AKT3: variants seen among roughly 807,000 people sequenced by gnomAD.
AKT3 encodes AKT serine/threonine kinase 3.
Under a neutral mutation model 65.3 loss-of-function variants are expected in AKT3, and 15 were observed. The observed-to-expected ratio is 0.23, with a 90% confidence interval of 0.15 to 0.35. The LOEUF is 0.35. AKT3 is among the 10% of genes least tolerant of loss of function. The pLI, the probability that AKT3 is intolerant of heterozygous loss-of-function variation, is 1.00. For synonymous variants in AKT3, 206 were observed against 183.8 expected, an observed-to-expected ratio of 1.12 and a Z score of -0.98; for missense variants, 243 against 576.5, an observed-to-expected ratio of 0.42 and a Z score of 5.92.
At chr1:243,779,274 A>T (rs1475412124) in intron 2 of AKT3, among the ~76,000 whole-genome samples, 1 of 152,140 alleles carries the variant, frequency 6.6e-6, no homozygotes, top group Non-Finnish European at 1.5e-5. Context: ...ACGAGAAGAT[A>T]CATTTGTAAG....
chr1:243,741,283 A>G (rs73128266), intron 2 of AKT3, among the ~76,000 whole-genome samples: 8,424 of 152,178 alleles, frequency 0.055, 797 homozygotes, highest in African/African-American at 0.19. Context: ...CTCTCTCAAA[A>G]CAAATCCACA....
chr1:243,820,748 G>A (rs2148422203), intron 2 of AKT3, among the ~76,000 whole-genome samples: 1 of 152,248 alleles, frequency 6.6e-6, no homozygotes, highest in South Asian at 2.1e-4. Context: ...GGAATGAAAA[G>A]GAACAAAGAA....
chr1:243,589,816 A>C (rs375882546), intron 8 of AKT3, among the ~76,000 whole-genome samples: 13 of 152,178 alleles, frequency 8.5e-5, no homozygotes, highest in Admixed American at 2.0e-4. Flanking sequence ...GAAACACTCT[A>C]TATATATAGA....
intron 8 of AKT3, chr1:243,613,162 C>CAT (rs1317021284): frequency 1.6e-5 from 2 of 125,638 alleles, no homozygotes; most frequent in Non-Finnish European, 3.3e-5. Context: ...CACATATACA[C>CAT]ATATATATAC....
chr1:243,595,636 A>T, intron 8 of AKT3, among the ~76,000 whole-genome samples: 1 of 152,174 alleles, frequency 6.6e-6, no homozygotes, highest in African/African-American at 2.4e-5. Context: ...TTTTGGTTAA[A>T]AATGAAAACA....
chr1:243,727,937 C>T (rs1336362672), intron 2 of AKT3, among the ~76,000 whole-genome samples: 1 of 152,154 alleles, frequency 6.6e-6, no homozygotes, highest in Admixed American at 6.5e-5. Context: ...CTATAAGCAG[C>T]ACTCAGCTAC....
rs200833466 is a variant in AKT3 at position 243,796,467 on chromosome 1, C to A, written c.46+46658G>T. Reference sequence around the variant, plus strand: ...TGGAAATCAGATTAAGTCACTCCCCCACTTAAAACTTCCTAATAAGCAGCT... The same window carrying A: ...TGGAAATCAGATTAAGTCACTCCCCAACTTAAAACTTCCTAATAAGCAGCT... On this transcript the variant is annotated intron_variant, in intron 2 of 13. Coordinates refer to ENST00000673466, the MANE Select transcript of AKT3 (RefSeq NM_005465.7). 2.0e-5 allele frequency among the ~76,000 whole-genome samples: 3 copies of A among 152,190 alleles called. No homozygotes were observed. In the East Asian group the frequency reaches 5.8e-4, roughly 29 times the overall value.
At chr1:243,630,978 T>TG (rs1471371918) in intron 6 of AKT3, among the ~76,000 whole-genome samples, 1 of 151,628 alleles carries the variant, frequency 6.6e-6, no homozygotes, top group Non-Finnish European at 1.5e-5. Context: ...TAGCCTCTTT[T>TG]TTTTTTTTCC....
chr1:243,842,762 A>C (rs1210632602), intron 2 of AKT3, among the ~76,000 whole-genome samples: 1 of 152,200 alleles, frequency 6.6e-6, no homozygotes, highest in Non-Finnish European at 1.5e-5. Context: ...ATATATTTAC[A>C]TGTGATTAAA....
At chr1:243,757,404 G>A (rs1421039288) in intron 2 of AKT3, among the ~76,000 whole-genome samples, 1 of 152,136 alleles carries the variant, frequency 6.6e-6, no homozygotes, top group Non-Finnish European at 1.5e-5. Flanking sequence ...GATCACCTGA[G>A]GTCAGGACTT....
chr1:243,575,069 C>T (rs1674843616), intron 8 of AKT3, among the ~76,000 whole-genome samples: 1 of 152,096 alleles, frequency 6.6e-6, no homozygotes, highest in Non-Finnish European at 1.5e-5. Context: ...GATGTGTACC[C>T]TTACTACTTT....
At chr1:243,632,602 T>A (rs1291516392) in intron 6 of AKT3, among the ~76,000 whole-genome samples, 1 of 152,204 alleles carries the variant, frequency 6.6e-6, no homozygotes, top group Non-Finnish European at 1.5e-5. Flanking sequence ...TAGCCACTAC[T>A]GAGAGAGTCA....
chr1:243,797,554 T>C (rs894313852), intron 2 of AKT3, among the ~76,000 whole-genome samples: 1 of 152,186 alleles, frequency 6.6e-6, no homozygotes, highest in Non-Finnish European at 1.5e-5. Flanking sequence ...TTGCTATTTA[T>C]GACCCAAATA....
At chr1:243,611,349 C>A (rs781118446) in intron 8 of AKT3, among the ~76,000 whole-genome samples, 6 of 152,088 alleles carry the variant, frequency 3.9e-5, no homozygotes, top group Non-Finnish European at 5.9e-5. Flanking sequence ...TTCATTGTAC[C>A]TTTTTGTTTC....
intron 8 of AKT3, among the ~76,000 whole-genome samples, chr1:243,593,008 T>A (rs1016390740): frequency 5.3e-5 from 8 of 151,986 alleles, no homozygotes; most frequent in African/African-American, 1.9e-4. Context: ...GAACACAAAA[T>A]GGGAAAAAAA....
intron 2 of AKT3, among the ~76,000 whole-genome samples, chr1:243,807,846 A>G (rs1692845142): frequency 2.0e-5 from 3 of 152,308 alleles, no homozygotes; most frequent in Non-Finnish European, 4.4e-5. Context: ...TTCCAGAGGA[A>G]CAATCAGGCA....
chr1:243,808,330 C>T (rs1419346688), intron 2 of AKT3: 1 of 152,034 alleles, frequency 6.6e-6, no homozygotes, highest in East Asian at 1.9e-4. Context: ...CAGAGAAGTC[C>T]TTAAAGGACC....
At chr1:243,628,597 G>A (rs1679364184) in intron 6 of AKT3, among the ~76,000 whole-genome samples, 1 of 152,244 alleles carries the variant, frequency 6.6e-6, no homozygotes, top group South Asian at 2.1e-4. Context: ...GAGTCATCAC[G>A]CTTGGCCTCC....
intron 11 of AKT3, among the ~76,000 whole-genome samples, chr1:243,551,066 C>T (rs1210736848): frequency 2.0e-5 from 3 of 149,304 alleles, no homozygotes; most frequent in South Asian, 2.2e-4. Context: ...CGCTATCAAA[C>T]GGAACACATT....
Sources: gnomAD v4.1 joint callset for allele counts (sites outside exome capture counted in the v4.1 genomes callset) on GRCh38, gnomAD v4.1.1 for gene constraint, MANE v1.5 for transcripts, NCBI Gene and HGNC (gene_info 2026-07-23, HGNC 2026-07-21) for gene names.